The following PCDHGB4 variants were observed in gnomAD, a reference collection of about 807,000 sequenced individuals.
PCDHGB4 encodes protocadherin gamma-B4.
A neutral mutation model predicts 60.5 loss-of-function variants in PCDHGB4; 38 were observed. The observed-to-expected ratio is 0.63, with a 90% CI of 0.48 to 0.82. PCDHGB4 has a LOEUF of 0.82. Ranked by LOEUF, PCDHGB4 falls within the 40% of genes least tolerant of loss-of-function variation. The pLI is 0.00. For missense variants in PCDHGB4, 1,109 were observed against 1,209.6 expected (o/e 0.92, Z 1.23); for synonymous variants, 456 against 509.7 (o/e 0.89, Z 1.42).
intron 1 of PCDHGB4, chr5:141,392,138 G>C (rs1212519982): frequency 6.6e-6 from 1 of 152,142 alleles, no homozygotes; most frequent in Non-Finnish European, 1.5e-5. Context: ...TGATTAAGTA[G>C]TTTAAACCAA....
chr5:141,476,952 T>A lies in PCDHGB4; in HGVS notation c.2398-17855T>A, dbSNP rs1463851594. On this transcript the variant is annotated intron_variant, in intron 1 of 3. Transcript: ENST00000519479. This position sits in a 1 kb window ranked among gnomAD's most constrained non-coding sequence, Gnocchi z 7.6. ...CTGGATGAAGGCCCCAACGGTGAAA[T>A]TATTTACTCCTTCGGCAGCCACAAC... 1 of 1,614,052 alleles carries A rather than the reference T, an allele frequency of 6.2e-7. No individual in the cohort carries two copies. Among genetic ancestry groups the A allele is most frequent in the Non-Finnish European group, 8.5e-7 (1 of 1,180,038 alleles).
In PCDHGB4 at chr5:141,389,715, G is replaced by A. The variant is rs1210776013; in HGVS notation, c.1831G>A (p.Glu611Lys). ...GTCCTACCACGTGCTGCAGGCTAGC[G>A]AGCCCGGGCTCTTCAGCCTGGGGCT... ...WLSYHVLQAS[E>K]PGLFSLGLRT... Residue 611 changes from glutamate to lysine, a missense_variant, in exon 1 of 4, where the codon GAG becomes AAG. Around this residue, in one of 2 missense-constraint regions of PCDHGB4, gnomAD observed 1,068 missense variants for 1,089.9 expected, o/e 0.98. Coordinates refer to ENST00000519479, the MANE Select transcript of PCDHGB4 (RefSeq NM_003736.4). The A allele has an allele frequency of 2.5e-6, 4 of 1,612,586 alleles. No individual in the cohort carries two copies. The highest frequency in any genetic ancestry group is 1.7e-4 in the Middle Eastern group (1 of 5,726).
At position 141,389,024 on chromosome 5, in the gene PCDHGB4, G is replaced by T. The variant is rs776063645; in HGVS notation, c.1140G>T (p.Val380=). The change falls in exon 1 of 4, where the codon GTG becomes GTT. Residue 380 remains valine (V), a synonymous_variant. Transcript: ENST00000519479. The part of the protein sequence containing the change: ...RDKDSRHNGE[V]TCKLEGDVPF... ...AGGATTCCAGACACAATGGAGAAGT[G>T]ACTTGTAAATTGGAAGGTGATGTTC... 4 of 1,613,948 alleles carry T rather than the reference G, an allele frequency of 2.5e-6. No homozygotes were observed. The South Asian group carries it at 4.4e-5, about 18-fold the overall frequency.
chr5:141,455,406 C>A (rs991797932), intron 1 of PCDHGB4, among the ~76,000 whole-genome samples: 1 of 152,108 alleles, frequency 6.6e-6, no homozygotes, highest in Non-Finnish European at 1.5e-5. Flanking sequence ...CTTACAGAGA[C>A]AGAGGGAGCG....
Position 141,393,949 on chromosome 5 carries a change from A to G in PCDHGB4, c.2397+3668A>G, listed in dbSNP as rs370166968. 2.5e-6 allele frequency: 4 copies of G among 1,613,874 alleles called. No individual in the cohort carries two copies. The highest frequency in any genetic ancestry group is 3.4e-6 in the Non-Finnish European group (4 of 1,179,890). Reference sequence around the variant, plus strand: ...GTGCATGACCAAGACTCTGGAAAGAATGGTCAAGTTGTCTGTTACACACGT... The same window carrying G: ...GTGCATGACCAAGACTCTGGAAAGAGTGGTCAAGTTGTCTGTTACACACGT... On this transcript the variant is annotated intron_variant, in intron 1 of 3. Coordinates refer to ENST00000519479, the MANE Select transcript of PCDHGB4 (RefSeq NM_003736.4).
In PCDHGB4 at chr5:141,408,560, A is replaced by G. The variant is rs368143982; in HGVS notation, c.2397+18279A>G. The G allele has an allele frequency of 6.3e-5, 102 of 1,613,910 alleles. No homozygotes were observed. Among genetic ancestry groups the G allele is most frequent in the Non-Finnish European group, 8.4e-5 (99 of 1,179,898 alleles). On this transcript the variant is annotated intron_variant, in intron 1 of 3. Coordinates refer to ENST00000519479, the MANE Select transcript of PCDHGB4 (RefSeq NM_003736.4). ...AAATCCTTTAAATATTTTTCATGTC[A>G]TTGTGGTGATTGAGGATGTTAATGA... is the stretch of plus-strand genomic sequence containing the variant.
At position 141,394,905 on chromosome 5, in the gene PCDHGB4, G is replaced by A. The variant is rs1281710551; in HGVS notation, c.2397+4624G>A. On this transcript the variant is annotated intron_variant, in intron 1 of 3. Transcript: ENST00000519479. ...TACACTCTATCTCGTGGTGGCAGTG[G>A]CTGCCATCTCCTGTGTCTTCCTCGC... The A allele has an allele frequency of 1.2e-6, 2 of 1,613,720 alleles. No individual in the cohort carries two copies. Among genetic ancestry groups the A allele is most frequent in the Non-Finnish European group, 1.7e-6 (2 of 1,179,870 alleles).
intron 1 of PCDHGB4, chr5:141,405,168 A>G: frequency 1.2e-6 from 2 of 1,613,960 alleles, no homozygotes. Flanking sequence ...CCCACCTCAC[A>G]CTTTGTGGGT....
At chr5:141,475,889 T>C in intron 1 of PCDHGB4, 1 of 562,248 alleles carries the variant, frequency 1.8e-6, no homozygotes, top group Non-Finnish European at 3.1e-6. Context: ...GCTGGGACTC[T>C]GTGTGCCGCT....
At chr5:141,450,790 A>G (rs2098694056) in intron 1 of PCDHGB4, among the ~76,000 whole-genome samples, 1 of 148,832 alleles carries the variant, frequency 6.7e-6, no homozygotes, top group Admixed American at 6.7e-5. Context: ...CCCGGACCTC[A>G]TGATTGTATT....
Position 141,432,099 on chromosome 5 carries a change from A to G in PCDHGB4, c.2397+41818A>G. On this transcript the variant is annotated intron_variant, in intron 1 of 3. Transcript: ENST00000519479. This position sits in a 1 kb window ranked among gnomAD's most constrained non-coding sequence, Gnocchi z 6.0. ...TCGCTGAACGTGGCAGACACCAACG[A>G]CAACCCGCCGGTCTTCCCTCAGGCC... 6.2e-7 allele frequency: 1 copy of G among 1,614,102 alleles called. No homozygotes were observed. The highest frequency in any genetic ancestry group is 1.1e-5 in the South Asian group (1 of 91,070).
intron 3 of PCDHGB4, among the ~76,000 whole-genome samples, chr5:141,508,871 A>T (rs981330486): frequency 5.3e-5 from 8 of 152,062 alleles, no homozygotes; most frequent in East Asian, 3.9e-4. Flanking sequence ...AAGGCTGAAG[A>T]GGCTGACGGC....
At chr5:141,484,863 G>T (rs561595169) in intron 1 of PCDHGB4, 136 of 273,782 alleles carry the variant, frequency 5.0e-4, no homozygotes, top group African/African-American at 2.8e-3. Context: ...GGGGGTGGGG[G>T]AGCGTGGAGG....
chr5:141,479,277 TC>T (rs2099491823), intron 1 of PCDHGB4: 1 of 152,362 alleles, frequency 6.6e-6, no homozygotes, highest in African/African-American at 2.4e-5. Flanking sequence ...ATAATTTATT[TC>T]AAAAATAAAT....
rs1029080327 is a variant in PCDHGB4 at position 141,512,737 on chromosome 5, G to C, written c.*1564G>C. 6.5e-5 allele frequency: 10 copies of C among 152,868 alleles called. No individual in the cohort carries two copies. The highest frequency in any genetic ancestry group is 2.4e-4 in the African/African-American group (10 of 41,472). 9.5% of individuals were successfully genotyped at this position (152,868 alleles called of 1,614,324 possible). On this transcript the variant is annotated 3_prime_UTR_variant, in exon 4 of 4. Transcript: ENST00000519479. Reference sequence around the variant, plus strand: ...ATGGCGGGTGGGCAGCGGGCGGCGGGCTCCGCGCAGCCGTCTGTCCTTGAT... The same window carrying C: ...ATGGCGGGTGGGCAGCGGGCGGCGGCCTCCGCGCAGCCGTCTGTCCTTGAT...
intron 2 of PCDHGB4, among the ~76,000 whole-genome samples, chr5:141,503,518 G>A (rs576791899): frequency 6.7e-6 from 1 of 149,524 alleles, no homozygotes; most frequent in East Asian, 2.0e-4. Flanking sequence ...AGAATCACTT[G>A]AACCTGGGAG....
chr5:141,511,374 CA>C lies in PCDHGB4; in HGVS notation c.*202del. ...CCCCAGGGGGTTGAATATGCAAAAG[CA>C]GTTCCGCTGGGAACCCCCATCCAAT... On this transcript the variant is annotated 3_prime_UTR_variant, in exon 4 of 4. Coordinates refer to ENST00000519479, the MANE Select transcript of PCDHGB4 (RefSeq NM_003736.4). The C allele has an allele frequency of 8.0e-7, 1 of 1,242,392 alleles. No individual in the cohort carries two copies. 77.0% of individuals were successfully genotyped at this position (1,242,392 alleles called of 1,614,324 possible).
Position 141,432,465 on chromosome 5 carries a change from C to T in PCDHGB4, c.2397+42184C>T. 3 of 1,614,222 alleles carry T rather than the reference C, an allele frequency of 1.9e-6. No individual in the cohort carries two copies. The highest frequency in any genetic ancestry group is 2.5e-6 in the Non-Finnish European group (3 of 1,180,050). On this transcript the variant is annotated intron_variant, in intron 1 of 3. Transcript: ENST00000519479. This position sits in a 1 kb window ranked among gnomAD's most constrained non-coding sequence, Gnocchi z 6.0. The stretch of plus-strand genomic sequence containing the variant: ...GAGATCCTGTACCCCGCCCTCCCCA[C>T]GGACGGTTCCACTGGCGTGGAGCTG...
chr5:141,417,995 G>A (rs779307855), intron 1 of PCDHGB4: 74 of 1,613,786 alleles, frequency 4.6e-5, no homozygotes, highest in Admixed American at 1.7e-4. Flanking sequence ...CAAGGGCTCG[G>A]TGGTGGGGAA....
Sources: allele counts gnomAD v4.1 joint callset (sites outside exome capture counted in the v4.1 genomes callset), GRCh38; gene constraint gnomAD v4.1.1; regional missense constraint gnomAD v4.1.1; non-coding constraint Gnocchi (gnomAD v3.1); transcripts MANE v1.5; gene names NCBI Gene and HGNC (gene_info 2026-07-23, HGNC 2026-07-21).